PDE3A: variants seen among roughly 807,000 people sequenced by gnomAD.
The protein encoded by PDE3A is cGMP-inhibited 3',5'-cyclic phosphodiesterase 3A.
Under a neutral mutation model 98.3 loss-of-function variants are expected in PDE3A, and 43 were observed. The observed-to-expected ratio is 0.44, with a 90% CI of 0.34 to 0.56. The LOEUF (loss-of-function observed/expected upper bound fraction) is 0.56, where lower values mean the gene tolerates loss of function less well. Among genes scored for constraint, PDE3A ranks in the 20% least tolerant of loss-of-function variants. The pLI is 0.01. For missense variants in PDE3A, 1,427 were observed against 1,440.7 expected (o/e 0.99, Z 0.15); for synonymous variants, 663 against 567.9 (o/e 1.17, Z -2.38).
chr12:20,390,457 G>GAAAAA (rs34930599), intron 1 of PDE3A, among the ~76,000 whole-genome samples: 2 of 127,554 alleles, frequency 1.6e-5, no homozygotes, highest in Non-Finnish European at 1.6e-5. Context: ...GGTGATTTAA[G>GAAAAA]AAAAAAAAAA....
chr12:20,656,015 G>A (rs944409736), intron 15 of PDE3A, among the ~76,000 whole-genome samples: 2 of 152,068 alleles, frequency 1.3e-5, no homozygotes, highest in African/African-American at 4.8e-5. Flanking sequence ...TGCCTCTAAA[G>A]CTACTCTCCT....
At position 20,621,365 on chromosome 12, in the gene PDE3A, T is replaced by C. The variant is rs1944132576; in HGVS notation, c.1494T>C (p.Ala498=). The change falls in exon 5 of 16, where the codon GCT becomes GCC. Residue 498 remains alanine, a synonymous_variant. Transcript: ENST00000359062. The part of the protein sequence containing the change: ...TKSRSFTSSY[A]ISAANHVKAK... ...GCAGATCCTTTACTTCATCCTATGC[T>C]ATTTCTGCAGCTAACCATGTAAAGG... 1 of 1,612,372 alleles carries C rather than the reference T, an allele frequency of 6.2e-7. No individual in the cohort carries two copies. The highest frequency in any genetic ancestry group is 1.1e-5 in the South Asian group (1 of 91,052).
At chr12:20,560,156 G>A (rs150725277) in intron 2 of PDE3A, among the ~76,000 whole-genome samples, 8 of 152,276 alleles carry the variant, frequency 5.3e-5, no homozygotes, top group African/African-American at 1.2e-4. Context: ...GCACATACTC[G>A]AGGCCTGATT....
chr12:20,433,508 T>G (rs984780730), intron 1 of PDE3A, among the ~76,000 whole-genome samples: 1 of 152,170 alleles, frequency 6.6e-6, no homozygotes, highest in Non-Finnish European at 1.5e-5. Flanking sequence ...TTTAAATATA[T>G]GAAAATTTTG....
chr12:20,620,150 T>A (rs567232272), intron 4 of PDE3A, among the ~76,000 whole-genome samples: 2 of 152,054 alleles, frequency 1.3e-5, no homozygotes, highest in South Asian at 2.1e-4. Flanking sequence ...CTCCAAATTA[T>A]ATCGTATTAA....
At chr12:20,589,518 T>C (rs530843917) in intron 2 of PDE3A, among the ~76,000 whole-genome samples, 1 of 152,198 alleles carries the variant, frequency 6.6e-6, no homozygotes, top group South Asian at 2.1e-4. Flanking sequence ...TATGCTGAGA[T>C]AAAAAGCAGC....
At chr12:20,482,108 C>CTA (rs2121008608) in intron 1 of PDE3A, among the ~76,000 whole-genome samples, 1 of 152,118 alleles carries the variant, frequency 6.6e-6, no homozygotes, top group South Asian at 2.1e-4. Flanking sequence ...TTTTCTCTAA[C>CTA]AAGTACAGAA....
chr12:20,654,024 G>A lies in PDE3A; in HGVS notation c.3003G>A (p.Gln1001=). 1 of 1,614,080 alleles carries A rather than the reference G, an allele frequency of 6.2e-7. No individual in the cohort carries two copies. Among genetic ancestry groups the A allele is most frequent in the African/African-American group, 1.3e-5 (1 of 75,024 alleles). The change falls in exon 15 of 16, where the codon CAG becomes CAA. Residue 1001 remains glutamine, a synonymous_variant. Coordinates refer to ENST00000359062, the MANE Select transcript of PDE3A (RefSeq NM_000921.5). ...DRSAPQLANL[Q]ESFISHIVGP... is the part of the protein sequence containing the mutation. ...CTGCTCCTCAGCTGGCCAACCTTCA[G>A]GAATCCTTCATCTCTCACATTGTGG...
intron 1 of PDE3A, among the ~76,000 whole-genome samples, chr12:20,504,609 A>G (rs1411352934): frequency 1.3e-5 from 2 of 152,078 alleles, no homozygotes; most frequent in East Asian, 3.9e-4. Flanking sequence ...TCCTTTCTCA[A>G]GTATCTGAGA....
chr12:20,497,101 C>A (rs775099946), intron 1 of PDE3A, among the ~76,000 whole-genome samples: 1 of 152,078 alleles, frequency 6.6e-6, no homozygotes, highest in African/African-American at 2.4e-5. Context: ...CTCAAAAAGC[C>A]AGTCAAATCG....
intron 1 of PDE3A, among the ~76,000 whole-genome samples, chr12:20,520,051 T>G (rs1946394727): frequency 6.6e-6 from 1 of 152,178 alleles, no homozygotes; most frequent in South Asian, 2.1e-4. Flanking sequence ...GGTACTAAGC[T>G]TTGAACCTAG....
chr12:20,528,790 T>C (rs1014305105), intron 1 of PDE3A, among the ~76,000 whole-genome samples: 4 of 152,152 alleles, frequency 2.6e-5, no homozygotes, highest in African/African-American at 9.7e-5. Context: ...TTGATGACAT[T>C]TTTATGAATA....
chr12:20,449,910 TG>T lies in PDE3A; in HGVS notation c.960+79669del. 9 of 804,580 alleles carry T rather than the reference TG, an allele frequency of 1.1e-5. No individual in the cohort carries two copies. The South Asian group carries it at 2.0e-4, about 18-fold the overall frequency. 49.8% of individuals were successfully genotyped at this position (804,580 alleles called of 1,614,324 possible). ...TAAGTGTGCTCTTCGGTGGTTTGAA[TG>T]GGAACTCTGCTGGAAAGTTGATTTC... On this transcript the variant is annotated intron_variant, in intron 1 of 15. Coordinates refer to ENST00000359062, the MANE Select transcript of PDE3A (RefSeq NM_000921.5).
At chr12:20,674,624 C>T (rs183146167) in intron 15 of PDE3A, among the ~76,000 whole-genome samples, 54 of 152,206 alleles carry the variant, frequency 3.5e-4, no homozygotes, top group Non-Finnish European at 6.2e-4. Flanking sequence ...CTGATTTAAT[C>T]TGATTACTTA....
chr12:20,676,326 A>G lies in PDE3A; in HGVS notation c.3185-3704A>G, dbSNP rs1385950245. Among the ~76,000 whole-genome samples, 72 of 152,094 alleles carry G rather than the reference A, an allele frequency of 4.7e-4. 2 individuals carry two copies. The highest frequency in any genetic ancestry group is 4.7e-3 in the Admixed American group (72 of 15,274). ...GACTTTATTTTTCCTTCATTTATAA[A>G]GGACAACTTGGCTGGGTATATGGTT... On this transcript the variant is annotated intron_variant, in intron 15 of 15. Coordinates refer to ENST00000359062, the MANE Select transcript of PDE3A (RefSeq NM_000921.5).
intron 1 of PDE3A, among the ~76,000 whole-genome samples, chr12:20,386,140 T>TAAAAATATATATAAATATATAA (rs1565532607): frequency 1.2e-5 from 1 of 84,948 alleles, no homozygotes; most frequent in Non-Finnish European, 2.0e-5. Context: ...TAAATATATA[T>TAAAAATATATATAAATATATAA]AAATATATAT....
At chr12:20,663,683 A>G (rs1223328381) in intron 15 of PDE3A, among the ~76,000 whole-genome samples, 1 of 152,212 alleles carries the variant, frequency 6.6e-6, no homozygotes, top group Admixed American at 6.5e-5. Flanking sequence ...TGCCTGTACC[A>G]TCATTGTATC....
intron 1 of PDE3A, among the ~76,000 whole-genome samples, chr12:20,512,272 GTATAAGAGA>G (rs1485343278): frequency 1.3e-5 from 2 of 152,142 alleles, no homozygotes; most frequent in East Asian, 3.9e-4. Context: ...AGGGGGCACA[GTATAAGAGA>G]CTATGCTATC....
intron 15 of PDE3A, among the ~76,000 whole-genome samples, chr12:20,654,745 C>T (rs1330435680): frequency 6.8e-6 from 1 of 146,304 alleles, no homozygotes. Flanking sequence ...ATCTCCTGAC[C>T]TTGTGATCTG....
Sources: gnomAD v4.1 joint callset for allele counts (sites outside exome capture counted in the v4.1 genomes callset) on GRCh38, gnomAD v4.1.1 for gene constraint, MANE v1.5 for transcripts, NCBI Gene and HGNC (gene_info 2026-07-23, HGNC 2026-07-21) for gene names.